The following PRDM9 variants were observed in gnomAD, a reference collection of about 807,000 sequenced individuals.
The protein encoded by PRDM9 is histone-lysine N-methyltransferase PRDM9.
Under a neutral mutation model 55.6 loss-of-function variants are expected in PRDM9, and 47 were observed. The ratio of observed to expected loss-of-function variants is 0.85; its 90% CI spans 0.67 to 1.08. The LOEUF (loss-of-function observed/expected upper bound fraction) is 1.08, where lower values mean the gene tolerates loss of function less well. PRDM9 is among the 50% of genes least tolerant of loss of function. The pLI, the probability that PRDM9 is intolerant of heterozygous loss-of-function variation, is 0.00. For missense variants in PRDM9, 867 were observed against 1,040.3 expected, an observed-to-expected ratio of 0.83 and a Z score of 2.29; for synonymous variants, 312 against 375.7, an observed-to-expected ratio of 0.83 and a Z score of 1.96.
At position 23,527,925 on chromosome 5, in the gene PRDM9, A is replaced by G; in HGVS notation, c.*152A>G. 1 of 1,027,742 alleles carries G rather than the reference A, an allele frequency of 9.7e-7. No individual in the cohort carries two copies. The highest frequency in any genetic ancestry group is 1.5e-6 in the Non-Finnish European group (1 of 688,516). 63.7% of individuals were successfully genotyped at this position (1,027,742 alleles called of 1,614,324 possible). A position where few individuals can be genotyped will look rare whatever the true frequency, so the allele number is the denominator to read the frequency against. On this transcript the variant is annotated 3_prime_UTR_variant, in exon 11 of 11. Coordinates refer to ENST00000296682, the MANE Select transcript of PRDM9 (RefSeq NM_020227.4). ...ATAAAGAGATCGGAAATAACTGATT[A>G]AACAAATCCGCCACTTTCATGACTA...
At chr5:23,511,092 G>A (rs1739086888) in intron 4 of PRDM9, among the ~76,000 whole-genome samples, 1 of 151,948 alleles carries the variant, frequency 6.6e-6, no homozygotes, top group Non-Finnish European at 1.5e-5. Context: ...TGAGGCAGAG[G>A]TGGCAGTGTG....
chr5:23,519,129 G>A (rs544774617), intron 5 of PRDM9, among the ~76,000 whole-genome samples: 8 of 152,100 alleles, frequency 5.3e-5, no homozygotes, highest in Non-Finnish European at 8.8e-5. Flanking sequence ...ACTCAATCTC[G>A]GCTTACTGCA....
Position 23,527,203 on chromosome 5 carries a change from A to G in PRDM9, c.2115A>G (p.Ser705=). 2.1e-6 allele frequency: 1 copy of G among 472,412 alleles called. No homozygotes were observed. The highest frequency in any genetic ancestry group is 3.9e-6 in the Non-Finnish European group (1 of 253,306). The allele number at this position is 472,412 out of a possible 1,614,324, so 29.3% of individuals were successfully genotyped here. A position where few individuals can be genotyped will look rare whatever the true frequency, so the allele number is the denominator to read the frequency against. ...RECGRGFSWQ[S]VLLTHQRTHT... ...GTGGGCGGGGCTTTAGCTGGCAGTC[A>G]GTCCTCCTCACTCACCAGAGGACAC... Residue 705 remains serine, a synonymous_variant, in exon 11 of 11, where the codon TCA becomes TCG. Transcript: ENST00000296682.
rs1003760515 is a variant in PRDM9 at position 23,527,646 on chromosome 5, C to G, written c.2558C>G (p.Thr853Arg). 2 of 1,518,154 alleles carry G rather than the reference C, an allele frequency of 1.3e-6. No homozygotes were observed. Among genetic ancestry groups the G allele is most frequent in the Non-Finnish European group, 1.8e-6 (2 of 1,124,714 alleles). The allele number at this position is 1,518,154 out of a possible 1,614,324, so 94.0% of individuals were successfully genotyped here. Residue 853 changes from threonine to arginine, a missense_variant, in exon 11 of 11, where the codon ACA becomes AGA. Around this residue, in one of 5 missense-constraint regions of PRDM9, gnomAD observed 86 missense variants for 73.6 expected, o/e 1.17. Coordinates refer to ENST00000296682, the MANE Select transcript of PRDM9 (RefSeq NM_020227.4). ...TCACACCTCCTCAGACACCAGAGGA[C>G]ACACACAGGGGAGAAGCCCTACGTC... ...NKSHLLRHQR[T>R]HTGEKPYVCR...
At chr5:23,523,435 G>A in intron 9 of PRDM9, 77 bp downstream of exon 9, 1 of 1,450,852 alleles carries the variant, frequency 6.9e-7, no homozygotes, top group Non-Finnish European at 9.7e-7. Context: ...TTATCATTAT[G>A]CCTCCCTCAA....
At chr5:23,520,876 C>A in intron 5 of PRDM9, 147 bp from the exon 6 acceptor site, 1 of 937,050 alleles carries the variant, frequency 1.1e-6, no homozygotes, top group Non-Finnish European at 1.6e-6. Flanking sequence ...TCACTTAGAC[C>A]TTCTCTTTTC....
chr5:23,516,076 T>G (rs552031454), intron 4 of PRDM9, among the ~76,000 whole-genome samples: 1 of 152,346 alleles, frequency 6.6e-6, no homozygotes, highest in East Asian at 1.9e-4. Flanking sequence ...AGAGATGGCA[T>G]TGAATCTATA....
rs762678794 is a variant in PRDM9 at position 23,527,399 on chromosome 5, A to C, written c.2311A>C (p.Thr771Pro). 3 of 1,586,018 alleles carry C rather than the reference A, an allele frequency of 1.9e-6. No homozygotes were observed. ...SHLLRHQRTH[T>P]GEKPYVCREC... Reference sequence around the variant, plus strand: ...CCTCCTCAGACACCAGAGGACACACACAGGGGAGAAGCCCTATGTCTGCAG... The same window carrying C: ...CCTCCTCAGACACCAGAGGACACACCCAGGGGAGAAGCCCTATGTCTGCAG... The change falls in exon 11 of 11, where the codon ACA becomes CCA. Residue 771 changes from threonine to proline, a missense_variant. By Grantham distance (38) the Thr-to-Pro change is conservative. Coordinates refer to ENST00000296682, the MANE Select transcript of PRDM9 (RefSeq NM_020227.4).
intron 4 of PRDM9, among the ~76,000 whole-genome samples, chr5:23,514,456 A>AT (rs879937422): frequency 6.4e-4 from 95 of 147,370 alleles, no homozygotes; most frequent in Middle Eastern, 3.6e-3. Flanking sequence ...CTACTAGAAG[A>AT]TTTTTTTTTT....
intron 8 of PRDM9, among the ~76,000 whole-genome samples, 177 bp from the exon 9 acceptor site, chr5:23,523,114 C>A (rs574456396): frequency 4.2e-4 from 64 of 152,304 alleles, no homozygotes; most frequent in Non-Finnish European, 7.6e-4. Context: ...AGCTTCTGCT[C>A]TGATTGGACA....
At chr5:23,526,133 A>G in intron 10 of PRDM9, 100 bp from the exon 11 acceptor site, 1 of 1,381,788 alleles carries the variant, frequency 7.2e-7, no homozygotes, top group Admixed American at 1.7e-5. Flanking sequence ...TGCATTGTTA[A>G]CATATGAAGA....
chr5:23,509,157 G>A, intron 2 of PRDM9, 55 bp downstream of exon 2: 1 of 1,600,086 alleles, frequency 6.2e-7, no homozygotes, highest in South Asian at 1.1e-5. Context: ...TCTCTGGAGT[G>A]CTGCAGACTC....
chr5:23,513,009 T>A (rs1284365477), intron 4 of PRDM9, among the ~76,000 whole-genome samples: 1 of 152,238 alleles, frequency 6.6e-6, no homozygotes, highest in Non-Finnish European at 1.5e-5. Context: ...TACCACATTT[T>A]AAAAATCCAT....
chr5:23,524,576 C>T (rs1183508989), intron 10 of PRDM9, 49 bp downstream of exon 10: 18 of 1,610,336 alleles, frequency 1.1e-5, no homozygotes, highest in Non-Finnish European at 1.4e-5. Context: ...AAAGAATTAT[C>T]CTAGAGAATT....
chr5:23,515,592 T>C (rs2126416062), intron 4 of PRDM9, among the ~76,000 whole-genome samples: 1 of 152,340 alleles, frequency 6.6e-6, no homozygotes, highest in Non-Finnish European at 1.5e-5. Context: ...TATTGTTCAT[T>C]TCAATGTCAT....
Position 23,522,425 on chromosome 5 carries a change from A to G in PRDM9, c.610+20A>G. 2 of 1,603,278 alleles carry G rather than the reference A, an allele frequency of 1.2e-6. No individual in the cohort carries two copies. Among genetic ancestry groups the G allele is most frequent in the African/African-American group, 1.3e-5 (1 of 74,794 alleles). On this transcript the variant is annotated intron_variant, in intron 7 of 10. Transcript: ENST00000296682. ...ACCTCTGTAAGTGACACTTTTGGCCACTCACACAGCTTGCTGTTATGTCCT... is the reference window on the plus strand; with the variant it reads ...ACCTCTGTAAGTGACACTTTTGGCCGCTCACACAGCTTGCTGTTATGTCCT...
At chr5:23,519,031 T>C (rs1300204594) in intron 5 of PRDM9, among the ~76,000 whole-genome samples, 1 of 152,204 alleles carries the variant, frequency 6.6e-6, no homozygotes, top group Admixed American at 6.5e-5. Context: ...GACTATGAGA[T>C]AATTTTCATT....
At chr5:23,518,116 G>T (rs1346122807) in intron 5 of PRDM9, among the ~76,000 whole-genome samples, 186 bp downstream of exon 5, 2 of 152,118 alleles carry the variant, frequency 1.3e-5, no homozygotes, top group Non-Finnish European at 1.5e-5. Context: ...TGCTACCATG[G>T]TGTTATTTTC....
chr5:23,507,804 G>A (rs1739014241), intron 1 of PRDM9, 92 bp downstream of exon 1: 1 of 151,942 alleles, frequency 6.6e-6, no homozygotes. Flanking sequence ...AGCCTCAAGA[G>A]ACCCCAAATC....
Sources: allele counts gnomAD v4.1 joint callset (sites outside exome capture counted in the v4.1 genomes callset), GRCh38; gene constraint gnomAD v4.1.1; regional missense constraint gnomAD v4.1.1; transcripts MANE v1.5; gene names NCBI Gene and HGNC (gene_info 2026-07-23, HGNC 2026-07-21).